The following SKAP2 variants were observed in gnomAD, a reference collection of about 807,000 sequenced individuals.
SKAP2 encodes the protein src kinase-associated phosphoprotein 2.
Under a neutral mutation model 54.9 loss-of-function variants are expected in SKAP2, and 28 were observed. The ratio of observed to expected loss-of-function variants is 0.51; its 90% CI spans 0.38 to 0.70. SKAP2 has a LOEUF of 0.70. Among genes scored for constraint, SKAP2 ranks in the 30% least tolerant of loss-of-function variants. SKAP2 has a pLI of 0.00. For missense variants in SKAP2, 356 were observed against 424.1 expected (o/e 0.84, Z 1.41); for synonymous variants, 137 against 134.3 (o/e 1.02, Z -0.14).
At chr7:26,837,442 A>G (rs1387151777) in intron 4 of SKAP2, among the ~76,000 whole-genome samples, 3 of 152,138 alleles carry the variant, frequency 2.0e-5, no homozygotes, top group Non-Finnish European at 4.4e-5. Flanking sequence ...GAAGCTTACA[A>G]TCATGGTGGA....
At chr7:26,817,729 T>C (rs1784300745) in intron 4 of SKAP2, among the ~76,000 whole-genome samples, 1 of 152,188 alleles carries the variant, frequency 6.6e-6, no homozygotes, top group Non-Finnish European at 1.5e-5. Flanking sequence ...GATAAGCAAC[T>C]TCAGCAAAGT....
chr7:26,801,382 C>A (rs1783912148), intron 4 of SKAP2, among the ~76,000 whole-genome samples: 1 of 152,174 alleles, frequency 6.6e-6, no homozygotes, highest in Admixed American at 6.5e-5. Context: ...CCATACATGA[C>A]AAACCTACAG....
chr7:26,748,649 T>A (rs1164092976), intron 4 of SKAP2, among the ~76,000 whole-genome samples: 1 of 152,130 alleles, frequency 6.6e-6, no homozygotes, highest in Non-Finnish European at 1.5e-5. Context: ...AAGTCTATAA[T>A]ACATACTTTG....
At chr7:26,825,231 A>G (rs973503228) in intron 4 of SKAP2, among the ~76,000 whole-genome samples, 1 of 152,216 alleles carries the variant, frequency 6.6e-6, no homozygotes, top group Admixed American at 6.5e-5. Context: ...AGATACAGAT[A>G]TTAATACTAG....
intron 9 of SKAP2, 56 bp downstream of exon 9, chr7:26,725,366 ACACACT>A: frequency 7.1e-6 from 9 of 1,262,490 alleles, no homozygotes; most frequent in African/African-American, 1.5e-5. Flanking sequence ...AAACACACAC[ACACACT>A]CACACACACA....
At chr7:26,805,618 T>C (rs896372476) in intron 4 of SKAP2, among the ~76,000 whole-genome samples, 1 of 152,210 alleles carries the variant, frequency 6.6e-6, no homozygotes, top group Non-Finnish European at 1.5e-5. Flanking sequence ...CAAGGCCTCC[T>C]GACAACAGTC....
At position 26,734,489 on chromosome 7, in the gene SKAP2, A is replaced by T. The variant is rs191079111; in HGVS notation, c.469+4306T>A. Among the ~76,000 whole-genome samples, 102 of 152,178 alleles carry T rather than the reference A, an allele frequency of 6.7e-4. 1 individual carries two copies. The Middle Eastern group carries it at 0.01, about 15-fold the overall frequency. ...TCTTTCACAACTCAGAATCTCTGCT[A>T]TTCCCTTACCTGGAAAGCCCATTTT... On this transcript the variant is annotated intron_variant, in intron 6 of 12. Coordinates refer to ENST00000345317, the MANE Select transcript of SKAP2 (RefSeq NM_003930.5).
chr7:26,782,903 A>G (rs1048071596), intron 4 of SKAP2, among the ~76,000 whole-genome samples: 2 of 152,180 alleles, frequency 1.3e-5, no homozygotes, highest in African/African-American at 4.8e-5. Flanking sequence ...TGAGCGATAA[A>G]TATCTGTTGA....
intron 4 of SKAP2, among the ~76,000 whole-genome samples, chr7:26,750,057 A>G (rs2127966001): frequency 6.6e-6 from 1 of 152,050 alleles, no homozygotes; most frequent in South Asian, 2.1e-4. Context: ...AAGATAACAC[A>G]CAATAAGTGG....
At chr7:26,710,962 T>C (rs547512755) in intron 9 of SKAP2, among the ~76,000 whole-genome samples, 2 of 152,322 alleles carry the variant, frequency 1.3e-5, no homozygotes, top group South Asian at 4.1e-4. Flanking sequence ...ACCATGATAC[T>C]ATACTGTGTT....
chr7:26,841,605 G>A (rs1038333281), intron 4 of SKAP2, among the ~76,000 whole-genome samples: 2 of 151,984 alleles, frequency 1.3e-5, no homozygotes, highest in Non-Finnish European at 2.9e-5. Context: ...AAACACATAT[G>A]GCTTGGGGGA....
intron 4 of SKAP2, among the ~76,000 whole-genome samples, chr7:26,764,741 C>T (rs1783008680): frequency 6.6e-6 from 1 of 152,100 alleles, no homozygotes; most frequent in Non-Finnish European, 1.5e-5. Context: ...TTATCTAACA[C>T]GGGGTTTCAC....
chr7:26,770,835 T>C (rs10245162), intron 4 of SKAP2, among the ~76,000 whole-genome samples: 63,405 of 151,962 alleles, frequency 0.42, 13,618 homozygotes, highest in Middle Eastern at 0.48. Context: ...CAGTTGGAAA[T>C]GCAGTAATCA....
At chr7:26,864,326 G>C (rs992026337) in intron 1 of SKAP2, 37 bp downstream of exon 1, 38 of 1,612,588 alleles carry the variant, frequency 2.4e-5, no homozygotes, top group Non-Finnish European at 3.1e-5. Context: ...CCTCGCCCCC[G>C]CCCCGACAGC....
intron 4 of SKAP2, among the ~76,000 whole-genome samples, chr7:26,832,062 G>C (rs769315111): frequency 3.3e-5 from 5 of 151,946 alleles, no homozygotes; most frequent in Non-Finnish European, 7.4e-5. Flanking sequence ...CTAAATTCTA[G>C]TTCAAACTCC....
chr7:26,672,022 C>A (rs1488936816), intron 11 of SKAP2, among the ~76,000 whole-genome samples: 1 of 151,932 alleles, frequency 6.6e-6, no homozygotes, highest in Non-Finnish European at 1.5e-5. Context: ...AGCTCTTATT[C>A]AATGCCAATA....
At chr7:26,656,286 T>C in the SKAP2 span, among the ~76,000 whole-genome samples, 1 of 152,230 alleles carries the variant, frequency 6.6e-6, no homozygotes, top group East Asian at 1.9e-4. Flanking sequence ...AAAACACAAA[T>C]TACAATACAG....
intron 4 of SKAP2, among the ~76,000 whole-genome samples, chr7:26,822,781 G>C (rs1413603619): frequency 6.6e-6 from 1 of 151,950 alleles, no homozygotes; most frequent in Non-Finnish European, 1.5e-5. Flanking sequence ...TACTAGGGAG[G>C]CTGAGGCAGG....
downstream of SKAP2, among the ~76,000 whole-genome samples, chr7:26,666,033 G>A (rs1786100332): frequency 6.6e-6 from 1 of 151,650 alleles, no homozygotes; most frequent in Non-Finnish European, 1.5e-5. Flanking sequence ...TTCAACCTTT[G>A]AGTGAAGCTG....
Sources: gnomAD v4.1 joint callset for allele counts (sites outside exome capture counted in the v4.1 genomes callset) on GRCh38, gnomAD v4.1.1 for gene constraint, MANE v1.5 for transcripts, NCBI Gene and HGNC (gene_info 2026-07-23, HGNC 2026-07-21) for gene names.